The following PTPRZ1 variants were observed in gnomAD, a reference collection of about 807,000 sequenced individuals.
PTPRZ1 encodes protein tyrosine phosphatase receptor type Z1, also known as receptor-type tyrosine-protein phosphatase zeta.
PTPRZ1 carries 82 observed loss-of-function variants against 214.1 expected under a neutral mutation model. That is an observed-to-expected ratio of 0.38 (90% CI 0.32 to 0.46). PTPRZ1 has a LOEUF of 0.46. PTPRZ1 is among the 20% of genes least tolerant of loss of function. The pLI is 1.00. For synonymous variants in PTPRZ1, 945 were observed against 987.9 expected, an observed-to-expected ratio of 0.96 and a Z score of 0.81; for missense variants, 2,603 against 2,748.7, an observed-to-expected ratio of 0.95 and a Z score of 1.19.
rs762133462 is a variant in PTPRZ1, at chr7:122,011,040, A to T, written c.1994A>T (p.Asp665Val). 7.4e-6 allele frequency: 12 copies of T among 1,614,026 alleles called. No homozygotes were observed. In the South Asian group the frequency reaches 1.3e-4, roughly 18 times the overall value. Reference protein sequence around the residue: ...PSSTDITAQPDVGSGRESFLQ... With the variant: ...PSSTDITAQPVVGSGRESFLQ... ...TCTACAGACATAACAGCACAGCCCG[A>T]TGTTGGATCAGGCAGAGAGAGCTTT... The change falls in exon 12 of 30, where the codon GAT becomes GTT. Residue 665 changes from aspartate to valine, a missense_variant. By Grantham distance (152) the Asp-to-Val change is radical. Transcript: ENST00000393386.
At position 122,010,716 on chromosome 7, in the gene PTPRZ1, C is replaced by T. The variant is rs150062891; in HGVS notation, c.1670C>T (p.Ala557Val). The T allele has an allele frequency of 6.1e-5, 98 of 1,613,786 alleles. 1 individual carries two copies. The Middle Eastern group carries it at 6.6e-4, about 11-fold the overall frequency. Residue 557 changes from alanine to valine, a missense_variant, in exon 12 of 30, where the codon GCA becomes GTA. Physicochemically the swap from Ala to Val is moderately conservative, Grantham distance 64 (BLOSUM62 0). Around this residue, in one of 6 missense-constraint regions of PTPRZ1, gnomAD observed 1,913 missense variants for 1,914.3 expected, o/e 1.00. Transcript: ENST00000393386. The stretch of plus-strand genomic sequence containing the variant: ...CCACATATGAACTTGTCGGGGACTG[C>T]AGAATCCTTAAATACAGTTTCTATA... ...RSPHMNLSGT[A>V]ESLNTVSITE...
chr7:121,926,227 C>T lies in PTPRZ1; in HGVS notation c.59-1929C>T, dbSNP rs1368975227. On this transcript the variant is annotated intron_variant, in intron 1 of 29. Transcript: ENST00000393386. ...GGCTGAGGCAGAAGAATCGCTTGAA[C>T]CGGAGAGGTGGAGGTTGCAGTGAGC... is the stretch of plus-strand genomic sequence containing the variant. 2.0e-5 allele frequency among the ~76,000 whole-genome samples: 3 copies of T among 150,412 alleles called. No homozygotes were observed. The Admixed American group carries it at 2.0e-4, about 10-fold the overall frequency.
intron 1 of PTPRZ1, among the ~76,000 whole-genome samples, chr7:121,887,177 G>A (rs1475499094): frequency 2.0e-5 from 3 of 152,098 alleles, no homozygotes; most frequent in Non-Finnish European, 4.4e-5. Context: ...AAGGAGTCTG[G>A]TCTCCTCATG....
chr7:122,012,495 C>T lies in PTPRZ1; in HGVS notation c.3449C>T (p.Pro1150Leu), dbSNP rs753579598. The change falls in exon 12 of 30, where the codon CCA (proline) becomes CTA (leucine). Residue 1150 changes from proline to leucine, a missense_variant. By Grantham distance (98) the Pro-to-Leu change is moderately conservative (BLOSUM62 -3). Transcript: ENST00000393386. ...LKPVLSANSE[P>L]ASSDPASSEM... ...CCTGTGCTTAGTGCAAACTCAGAGC[C>T]AGCATCCTCTGACCCTGCTTCTAGT... 6 of 1,613,910 alleles carry T rather than the reference C, an allele frequency of 3.7e-6. No homozygotes were observed. In the East Asian group the frequency reaches 1.3e-4, roughly 36 times the overall value.
chr7:122,005,359 A>C (rs556244201), intron 11 of PTPRZ1, among the ~76,000 whole-genome samples: 1 of 152,042 alleles, frequency 6.6e-6, no homozygotes, highest in East Asian at 1.9e-4. Context: ...TATTCAGTTC[A>C]GGTGCTATTG....
Position 122,011,832 on chromosome 7 carries a change from C to T in PTPRZ1, c.2786C>T (p.Ala929Val). The T allele has an allele frequency of 6.2e-7, 1 of 1,613,852 alleles. No individual in the cohort carries two copies. Among genetic ancestry groups the T allele is most frequent in the South Asian group, 1.1e-5 (1 of 91,076 alleles). ...ARSSGPEPSY[A>V]LSDNEGSQHI... ...TCTTCAGGGCCTGAACCTTCTTATGCCTTGTCTGATAATGAGGGCTCCCAA... is the reference window on the plus strand; with the variant it reads ...TCTTCAGGGCCTGAACCTTCTTATGTCTTGTCTGATAATGAGGGCTCCCAA... The change falls in exon 12 of 30, where the codon GCC (alanine) becomes GTC (valine). Residue 929 changes from alanine to valine, a missense_variant. Ala to Val is a moderately conservative substitution (Grantham distance 64). Coordinates refer to ENST00000393386, the MANE Select transcript of PTPRZ1 (RefSeq NM_002851.3).
chr7:121,965,559 T>C (rs1253319644), intron 2 of PTPRZ1, among the ~76,000 whole-genome samples: 1 of 152,158 alleles, frequency 6.6e-6, no homozygotes, highest in Admixed American at 6.5e-5. Flanking sequence ...TTTGCTGAAA[T>C]GGAGCTTTCT....
At position 122,019,260 on chromosome 7, in the gene PTPRZ1, C is replaced by A; in HGVS notation, c.4980C>A (p.Ile1660=). The change falls in exon 13 of 30, where the codon ATC becomes ATA. Residue 1660 remains isoleucine, a synonymous_variant. Coordinates refer to ENST00000393386, the MANE Select transcript of PTPRZ1 (RefSeq NM_002851.3). The part of the protein sequence containing the change: ...ICLVVLVGIL[I]YWRKCFQTAH... Reference sequence around the variant, plus strand: ...TAGTGGTTCTTGTGGGTATTCTCATCTACTGGAGGTAAGTTGAGTATTTGT... The same window carrying A: ...TAGTGGTTCTTGTGGGTATTCTCATATACTGGAGGTAAGTTGAGTATTTGT... 1 of 1,610,942 alleles carries A rather than the reference C, an allele frequency of 6.2e-7. No individual in the cohort carries two copies. The highest frequency in any genetic ancestry group is 8.5e-7 in the Non-Finnish European group (1 of 1,178,178).
intron 1 of PTPRZ1, among the ~76,000 whole-genome samples, chr7:121,915,685 A>G (rs907372007): frequency 5.9e-5 from 9 of 152,320 alleles, no homozygotes; most frequent in African/African-American, 2.2e-4. Context: ...GGCTAGATCT[A>G]TAATAGCTTA....
At chr7:122,005,353 C>T (rs1798454592) in intron 11 of PTPRZ1, among the ~76,000 whole-genome samples, 1 of 151,676 alleles carries the variant, frequency 6.6e-6, no homozygotes, top group African/African-American at 2.4e-5. Context: ...ATTATATATT[C>T]AGTTCAGGTG....
chr7:121,967,884 T>A, intron 2 of PTPRZ1, 67 bp from the exon 3 acceptor site: 1 of 1,169,588 alleles, frequency 8.6e-7, no homozygotes, highest in East Asian at 2.4e-5. Context: ...GTATTAACTA[T>A]AATGTAAAGT....
chr7:121,994,358 A>G (rs1046009036), intron 8 of PTPRZ1, among the ~76,000 whole-genome samples: 2 of 121,792 alleles, frequency 1.6e-5, no homozygotes, highest in South Asian at 2.8e-4. Context: ...GCAGTGGCGC[A>G]ATCTGGGCTC....
intron 14 of PTPRZ1, 39 bp from the exon 15 acceptor site, chr7:122,031,435 T>G (rs753332135): frequency 6.9e-7 from 1 of 1,449,368 alleles, no homozygotes; most frequent in South Asian, 1.2e-5. Flanking sequence ...TTATTTCTGT[T>G]AAATTATGCT....
chr7:122,039,369 ATC>A (rs1799644850), intron 19 of PTPRZ1, 83 bp from the exon 20 acceptor site: 1 of 1,427,056 alleles, frequency 7.0e-7, no homozygotes, highest in Non-Finnish European at 9.5e-7. Flanking sequence ...TCCTGTCACC[ATC>A]TCAGACCTTT....
chr7:121,896,647 C>A (rs1302908543), intron 1 of PTPRZ1, among the ~76,000 whole-genome samples: 1 of 151,996 alleles, frequency 6.6e-6, no homozygotes, highest in Non-Finnish European at 1.5e-5. Flanking sequence ...GTGGTGGGTG[C>A]CTGTAGTCCC....
At chr7:121,886,987 C>A (rs926312082) in intron 1 of PTPRZ1, among the ~76,000 whole-genome samples, 1 of 152,130 alleles carries the variant, frequency 6.6e-6, no homozygotes, top group African/African-American at 2.4e-5. Context: ...TGTGCTCCTT[C>A]CCTTTGGCTC....
At chr7:122,006,273 C>T (rs914587311) in intron 11 of PTPRZ1, among the ~76,000 whole-genome samples, 1 of 151,952 alleles carries the variant, frequency 6.6e-6, no homozygotes, top group African/African-American at 2.4e-5. Context: ...TTTTTTCTAC[C>T]TATCTGAAAA....
chr7:121,949,177 G>A (rs775087329), intron 2 of PTPRZ1, among the ~76,000 whole-genome samples: 19 of 152,168 alleles, frequency 1.2e-4, no homozygotes, highest in African/African-American at 4.6e-4. Flanking sequence ...CTAGGTCATA[G>A]GTAGAAAAGA....
chr7:121,985,461 T>C (rs924018780), intron 8 of PTPRZ1, among the ~76,000 whole-genome samples: 10 of 152,206 alleles, frequency 6.6e-5, no homozygotes, highest in Admixed American at 5.9e-4. Context: ...AGGCTCTGTG[T>C]AGGTTTACTA....
Sources: gnomAD v4.1 joint callset for allele counts (sites outside exome capture counted in the v4.1 genomes callset) on GRCh38, gnomAD v4.1.1 for gene constraint, gnomAD v4.1.1 regional missense constraint, MANE v1.5 for transcripts, NCBI Gene and HGNC (gene_info 2026-07-23, HGNC 2026-07-21) for gene names.